Variants in GMEB1 observed in about 807,000 individuals in gnomAD.
GMEB1 encodes glucocorticoid modulatory element-binding protein 1.
A neutral mutation model predicts 52.4 loss-of-function variants in GMEB1; 6 were observed. That is an observed-to-expected ratio of 0.11 (90% CI 0.06 to 0.23). GMEB1 has a LOEUF of 0.23. Among genes scored for constraint, GMEB1 ranks in the 10% least tolerant of loss-of-function variants. The probability of loss-of-function intolerance (pLI) is 1.00; values close to 1 mark genes in which losing one functional copy is unlikely to be tolerated. For missense variants in GMEB1, 486 were observed against 685.6 expected (o/e 0.71, Z 3.25); for synonymous variants, 255 against 244.9 (o/e 1.04, Z -0.38).
chr1:28,696,281 G>A (rs1670204577), intron 5 of GMEB1, among the ~76,000 whole-genome samples: 1 of 151,908 alleles, frequency 6.6e-6, no homozygotes, highest in African/African-American at 2.4e-5. Flanking sequence ...TGGACACGCT[G>A]GTCTCAAACT....
At chr1:28,697,886 TC>T (rs1670301916) in intron 6 of GMEB1, among the ~76,000 whole-genome samples, 1 of 152,016 alleles carries the variant, frequency 6.6e-6, no homozygotes, top group Admixed American at 6.6e-5. Flanking sequence ...ACGCCTGTAA[TC>T]CCAGCACTTT....
rs1398164654 is a variant in GMEB1, at chr1:28,713,499, C to T, written c.992-574C>T. On this transcript the variant is annotated intron_variant, in intron 9 of 9. Coordinates refer to ENST00000373816, the MANE Select transcript of GMEB1 (RefSeq NM_001319674.2). Reference sequence around the variant, plus strand: ...TAACCTTAAATTAGTCATTTTCCCTCTCTGGATCCCTGTCAAAATGAATTT... The same window carrying T: ...TAACCTTAAATTAGTCATTTTCCCTTTCTGGATCCCTGTCAAAATGAATTT... Among the ~76,000 whole-genome samples, 3 of 152,190 alleles carry T rather than the reference C, an allele frequency of 2.0e-5. No homozygotes were observed. The East Asian group carries it at 5.8e-4, about 29-fold the overall frequency.
chr1:28,673,865 A>T (rs950046039), intron 1 of GMEB1, among the ~76,000 whole-genome samples: 7 of 151,444 alleles, frequency 4.6e-5, no homozygotes, highest in Admixed American at 2.6e-4. Flanking sequence ...AAGTAAAGAA[A>T]TTAGGCCAGG....
intron 1 of GMEB1, among the ~76,000 whole-genome samples, chr1:28,681,445 G>A (rs1455061505): frequency 6.6e-6 from 1 of 152,022 alleles, no homozygotes; most frequent in African/African-American, 2.4e-5. Context: ...GAAGATGAGG[G>A]AGAAAGGCAT....
At chr1:28,687,601 G>T (rs1413764428) in intron 2 of GMEB1, among the ~76,000 whole-genome samples, 2 of 151,998 alleles carry the variant, frequency 1.3e-5, no homozygotes, top group East Asian at 1.9e-4. Context: ...TAACAATGAG[G>T]AGAGAGGGTG....
rs536160225 is a variant in GMEB1, at chr1:28,715,603, CA to C, written c.*850del. On this transcript the variant is annotated 3_prime_UTR_variant, in exon 10 of 10. Coordinates refer to ENST00000373816, the MANE Select transcript of GMEB1 (RefSeq NM_001319674.2). The stretch of plus-strand genomic sequence containing the variant: ...GGGCAACAAGAGCGAGACTCCATCT[CA>C]AAAAAAAAAAAAAAAAAAAGTGCTT... 1,888 of 48,484 alleles carry C rather than the reference CA, an allele frequency of 0.039. 9 individuals carry two copies. Among genetic ancestry groups the C allele is most frequent in the African/African-American group, 0.05 (674 of 13,608 alleles). The allele number at this position is 48,484 out of a possible 1,614,324, so 3.0% of individuals were successfully genotyped here. A position where few individuals can be genotyped will look rare whatever the true frequency, so the allele number is the denominator to read the frequency against.
intron 3 of GMEB1, among the ~76,000 whole-genome samples, 200 bp downstream of exon 3, chr1:28,690,386 G>C (rs1017997390): frequency 3.3e-5 from 5 of 151,920 alleles, no homozygotes; most frequent in South Asian, 2.1e-4. Context: ...AGGGTCGTCA[G>C]TTGGTTGGTT....
intron 8 of GMEB1, among the ~76,000 whole-genome samples, chr1:28,708,761 T>C (rs1389066627): frequency 6.6e-6 from 1 of 151,648 alleles, no homozygotes; most frequent in Non-Finnish European, 1.5e-5. Context: ...TCTGGGAGGC[T>C]GAAGCAGGTG....
chr1:28,694,214 C>T (rs1383284120), intron 5 of GMEB1, among the ~76,000 whole-genome samples: 15 of 136,108 alleles, frequency 1.1e-4, no homozygotes, highest in South Asian at 4.5e-4. Flanking sequence ...TTTTTTGAGA[C>T]GGAGTCTTGC....
intron 1 of GMEB1, among the ~76,000 whole-genome samples, chr1:28,674,596 G>GT: frequency 6.7e-6 from 1 of 149,976 alleles, no homozygotes; most frequent in South Asian, 2.1e-4. Flanking sequence ...GTTTCTCCAT[G>GT]TTTGTCAGGC....
At chr1:28,688,892 G>GT (rs1324852304) in intron 2 of GMEB1, among the ~76,000 whole-genome samples, 20 of 97,174 alleles carry the variant, frequency 2.1e-4, no homozygotes, top group South Asian at 4.1e-4. Flanking sequence ...GGCATTTAAA[G>GT]TTTTTTTTTT....
At chr1:28,668,986 G>C (rs1396980517) in intron 1 of GMEB1, 147 bp downstream of exon 1, 1 of 144,860 alleles carries the variant, frequency 6.9e-6, no homozygotes, top group Non-Finnish European at 1.5e-5. Context: ...CCCACGCCCT[G>C]TGCGTGCCGC....
At position 28,710,658 on chromosome 1, in the gene GMEB1, C is replaced by T. The variant is rs745407705; in HGVS notation, c.991+16C>T. The T allele has an allele frequency of 4.4e-5, 66 of 1,512,030 alleles. No homozygotes were observed. Among genetic ancestry groups the T allele is most frequent in the Non-Finnish European group, 5.1e-5 (58 of 1,128,344 alleles). 93.7% of individuals were successfully genotyped at this position (1,512,030 alleles called of 1,614,324 possible). A position where few individuals can be genotyped will look rare whatever the true frequency, so the allele number is the denominator to read the frequency against. On this transcript the variant is annotated intron_variant, in intron 9 of 9. Transcript: ENST00000373816. ...ACTCTGACAGGTATGTATAAGTTAT[C>T]GCTCTTCTTCGGTGATATCATGCTA...
rs1349935795 is a variant in GMEB1, at chr1:28,719,163, G to A, written c.*4390G>A. On this transcript the variant is annotated 3_prime_UTR_variant, in exon 10 of 10. Transcript: ENST00000373816. Reference sequence around the variant, plus strand: ...CTGGCAAAGGGTAAATGCCCCCAAAGCCTTCCTGCCATATGGTTTCCACGA... The same window carrying A: ...CTGGCAAAGGGTAAATGCCCCCAAAACCTTCCTGCCATATGGTTTCCACGA... The A allele has an allele frequency of 2.0e-5, 3 of 152,226 alleles. No individual in the cohort carries two copies. Among genetic ancestry groups the A allele is most frequent in the African/African-American group, 4.8e-5 (2 of 41,426 alleles). 9.4% of individuals were successfully genotyped at this position (152,226 alleles called of 1,614,324 possible). A position where few individuals can be genotyped will look rare whatever the true frequency, so the allele number is the denominator to read the frequency against.
At chr1:28,692,040 A>C (rs1265798651) in intron 4 of GMEB1, among the ~76,000 whole-genome samples, 1 of 144,440 alleles carries the variant, frequency 6.9e-6, no homozygotes, top group Non-Finnish European at 1.5e-5. Flanking sequence ...TCAGACAGTG[A>C]CTTTCTGTTG....
chr1:28,703,417 T>A (rs566204396), intron 7 of GMEB1, among the ~76,000 whole-genome samples: 4 of 152,260 alleles, frequency 2.6e-5, no homozygotes, highest in Admixed American at 1.3e-4. Flanking sequence ...ATCCTAGCAC[T>A]TTGGGAGGCC....
chr1:28,700,644 C>G (rs570897513), intron 6 of GMEB1, among the ~76,000 whole-genome samples: 9 of 150,566 alleles, frequency 6.0e-5, no homozygotes, highest in Non-Finnish European at 1.3e-4. Flanking sequence ...GAGATCATGC[C>G]ACTGTACTTC....
At chr1:28,671,539 A>G (rs994317030) in intron 1 of GMEB1, among the ~76,000 whole-genome samples, 2 of 152,128 alleles carry the variant, frequency 1.3e-5, no homozygotes, top group African/African-American at 4.8e-5. Flanking sequence ...CTCGAGTTCC[A>G]GACCAGCTTG....
At chr1:28,704,839 C>A (rs1042692793) in intron 8 of GMEB1, among the ~76,000 whole-genome samples, 4 of 152,040 alleles carry the variant, frequency 2.6e-5, no homozygotes, top group Non-Finnish European at 5.9e-5. Flanking sequence ...AACTCCTGAC[C>A]TCAGGTGATC....
Sources: allele counts gnomAD v4.1 joint callset (sites outside exome capture counted in the v4.1 genomes callset), GRCh38; gene constraint gnomAD v4.1.1; transcripts MANE v1.5; gene names NCBI Gene and HGNC (gene_info 2026-07-23, HGNC 2026-07-21).